TAS1R3: variants seen among roughly 807,000 people sequenced by gnomAD.
TAS1R3 encodes the protein taste receptor type 1 member 3.
TAS1R3 carries 58 observed loss-of-function variants against 46.1 expected under a neutral mutation model. The ratio of observed to expected loss-of-function variants is 1.26; its 90% confidence interval spans 1.02 to 1.57. The LOEUF (loss-of-function observed/expected upper bound fraction) is 1.57. TAS1R3 is among the 40% of genes most tolerant of loss of function. TAS1R3 has a pLI of 0.00. For synonymous variants in TAS1R3, 724 were observed against 544.7 expected (o/e 1.33, Z -4.58); for missense variants, 1,422 against 1,185.8 (o/e 1.20, Z -2.93).
At position 1,331,304 on chromosome 1, in the gene TAS1R3, C is replaced by A; in HGVS notation, c.-42C>A. ...GGCTCACTCCATGTGAGGCCCCAGT[C>A]GGGGCAGCCACCTGCCGTGCCTGTT... On this transcript the variant is annotated 5_prime_UTR_variant, in exon 1 of 6. Coordinates refer to ENST00000339381, the MANE Select transcript of TAS1R3 (RefSeq NM_152228.3). 3 of 1,523,412 alleles carry A rather than the reference C, an allele frequency of 2.0e-6. No homozygotes were observed. The highest frequency in any genetic ancestry group is 1.8e-6 in the Non-Finnish European group (2 of 1,137,378). The allele number at this position is 1,523,412 out of a possible 1,614,324, so 94.4% of individuals were successfully genotyped here. A position where few individuals can be genotyped will look rare whatever the true frequency, so the allele number is the denominator to read the frequency against.
Position 1,331,630 on chromosome 1 carries a change from G to T in TAS1R3, c.192-8G>T. ...GAGGTGGCCATCTGCGGTTCTGTGT[G>T]GCCCCAGGTTCTCCTCAAACGGCCT... On this transcript the variant is annotated splice_polypyrimidine_tract_variant and splice_region_variant and intron_variant, in intron 1 of 5. Coordinates refer to ENST00000339381, the MANE Select transcript of TAS1R3 (RefSeq NM_152228.3). 6.2e-7 allele frequency: 1 copy of T among 1,608,376 alleles called. No individual in the cohort carries two copies. Among genetic ancestry groups the T allele is most frequent in the Non-Finnish European group, 8.5e-7 (1 of 1,176,620 alleles).
In TAS1R3 at chr1:1,333,072, G is replaced by A; in HGVS notation, c.1427G>A (p.Gly476Asp). The A allele has an allele frequency of 6.2e-7, 1 of 1,612,656 alleles. No homozygotes were observed. The highest frequency in any genetic ancestry group is 8.5e-7 in the Non-Finnish European group (1 of 1,179,910). ...CTCCACGACGTGGGCAGGTTCAACGGCAGCCTCAGGACAGAGCGCCTGAAG... is the reference window on the plus strand; with the variant it reads ...CTCCACGACGTGGGCAGGTTCAACGACAGCCTCAGGACAGAGCGCCTGAAG... Reference protein sequence around the residue: ...PRLHDVGRFNGSLRTERLKIR... With the variant: ...PRLHDVGRFNDSLRTERLKIR... Residue 476 changes from glycine (G) to aspartate (D), a missense_variant, in exon 4 of 6, where the codon GGC becomes GAC. Transcript: ENST00000339381.
At position 1,333,352 on chromosome 1, in the gene TAS1R3, G is replaced by A. The variant is rs765980224; in HGVS notation, c.1573G>A (p.Glu525Lys). Residue 525 changes from glutamate to lysine, a missense_variant, in exon 5 of 6, where the codon GAG (glutamate) becomes AAG (lysine). Coordinates refer to ENST00000339381, the MANE Select transcript of TAS1R3 (RefSeq NM_152228.3). ...HSCCYDCVDC[E>K]AGSYRQNPDD... ...CTGCTGCTACGACTGTGTGGACTGC[G>A]AGGCGGGCAGCTACCGGCAAAACCC... is the stretch of plus-strand genomic sequence containing the variant. 27 of 1,610,472 alleles carry A rather than the reference G, an allele frequency of 1.7e-5. No individual in the cohort carries two copies. Among genetic ancestry groups the A allele is most frequent in the African/African-American group, 6.7e-5 (5 of 74,908 alleles).
rs1471800622 is a variant in TAS1R3, at chr1:1,332,471, G to A, written c.940G>A (p.Gly314Ser). 7.5e-6 allele frequency: 12 copies of A among 1,609,820 alleles called. No individual in the cohort carries two copies. Among genetic ancestry groups the A allele is most frequent in the African/African-American group, 5.3e-5 (4 of 74,910 alleles). The change falls in exon 3 of 6, where the codon GGC becomes AGC. Residue 314 changes from glycine to serine, a missense_variant. By Grantham distance (56) the Gly-to-Ser change is moderately conservative. Coordinates refer to ENST00000339381, the MANE Select transcript of TAS1R3 (RefSeq NM_152228.3). ...LTSDLVMGLP[G>S]MAQMGTVLGF... ...CTCTGACCTGGTCATGGGGCTGCCCGGCATGGCCCAGATGGGCACGGTGCT... is the reference window on the plus strand; with the variant it reads ...CTCTGACCTGGTCATGGGGCTGCCCAGCATGGCCCAGATGGGCACGGTGCT...
rs1643473953 is a variant in TAS1R3 at position 1,333,312 on chromosome 1, C to G, written c.1533C>G (p.Val511=). 16 of 1,602,188 alleles carry G rather than the reference C, an allele frequency of 1.0e-5. No individual in the cohort carries two copies. The highest frequency in any genetic ancestry group is 1.4e-5 in the Non-Finnish European group (16 of 1,175,340). Residue 511 remains valine, a synonymous_variant, in exon 5 of 6, where the codon GTC becomes GTG. Transcript: ENST00000339381. ...GCCAGGAGGGCCAGGTGCGCCGGGT[C>G]AAGGGGTTCCACTCCTGCTGCTACG... ...RQCQEGQVRR[V]KGFHSCCYDC... is the part of the protein sequence containing the mutation.
Position 1,331,359 on chromosome 1 carries a change from C to T in TAS1R3, c.14C>T (p.Ala5Val), listed in dbSNP as rs761740845. 6.3e-7 allele frequency: 1 copy of T among 1,588,088 alleles called. No individual in the cohort carries two copies. Among genetic ancestry groups the T allele is most frequent in the East Asian group, 2.3e-5 (1 of 44,378 alleles). ...GTTGCCTCTGCCATGCTGGGCCCTG[C>T]TGTCCTGGGCCTCAGCCTCTGGGCT... is the stretch of plus-strand genomic sequence containing the variant. Reference protein sequence around the residue: MLGPAVLGLSLWALL... With the variant: MLGPVVLGLSLWALL... The change falls in exon 1 of 6, where the codon GCT becomes GTT. Residue 5 changes from alanine (A) to valine (V), a missense_variant. Coordinates refer to ENST00000339381, the MANE Select transcript of TAS1R3 (RefSeq NM_152228.3).
rs148942342 is a variant in TAS1R3, at chr1:1,333,514, G to A, written c.1609G>A (p.Ala537Thr). 2.7e-4 allele frequency: 429 copies of A among 1,602,228 alleles called. 2 individuals carry two copies. The highest frequency in any genetic ancestry group is 1.9e-3 in the South Asian group (169 of 91,026). ...CTTCTCCTCTCTCACAGACGACATC[G>A]CCTGCACCTTTTGTGGCCAGGATGA... ...GSYRQNPDDIACTFCGQDEWS... is the reference protein window; with the variant it reads ...GSYRQNPDDITCTFCGQDEWS... The change falls in exon 6 of 6, where the codon GCC becomes ACC. Residue 537 changes from alanine to threonine, a missense_variant. Coordinates refer to ENST00000339381, the MANE Select transcript of TAS1R3 (RefSeq NM_152228.3).
chr1:1,332,710 C>T lies in TAS1R3; in HGVS notation c.1179C>T (p.Val393=), dbSNP rs751338487. The T allele has an allele frequency of 3.7e-6, 6 of 1,604,174 alleles. No individual in the cohort carries two copies. The Admixed American group carries it at 6.7e-5, about 18-fold the overall frequency. ...AGLNHHQTFS[V]YAAVYSVAQA... is the part of the protein sequence containing the mutation. ...TAAATCACCACCAGACGTTCTCTGT[C>T]TACGCAGCTGTGTATAGCGTGGCCC... Residue 393 remains valine, a synonymous_variant, in exon 3 of 6, where the codon GTC becomes GTT. Transcript: ENST00000339381.
In TAS1R3 at chr1:1,333,733, G is replaced by A. The variant is rs1459165808; in HGVS notation, c.1828G>A (p.Gly610Ser). The A allele has an allele frequency of 1.9e-6, 3 of 1,604,958 alleles. No individual in the cohort carries two copies. The highest frequency in any genetic ancestry group is 1.3e-5 in the African/African-American group (1 of 75,000). ...CTCGGGGGGGCCCCTGGCCTGCTTT[G>A]GCCTGGTGTGCCTGGGCCTGGTCTG... The part of the protein sequence containing the change: ...QASGGPLACF[G>S]LVCLGLVCLS... The change falls in exon 6 of 6, where the codon GGC (glycine) becomes AGC (serine). Residue 610 changes from glycine to serine, a missense_variant. Gly to Ser is a moderately conservative substitution (Grantham distance 56, BLOSUM62 0). Transcript: ENST00000339381.
rs754730148 is a variant in TAS1R3, at chr1:1,333,730, T to C, written c.1825T>C (p.Phe609Leu). ...VQASGGPLAC[F>L]GLVCLGLVCL... ...GGCCTCGGGGGGGCCCCTGGCCTGC[T>C]TTGGCCTGGTGTGCCTGGGCCTGGT... Residue 609 changes from phenylalanine to leucine, a missense_variant, in exon 6 of 6, where the codon TTT becomes CTT. Phe to Leu is a conservative substitution (Grantham distance 22). Coordinates refer to ENST00000339381, the MANE Select transcript of TAS1R3 (RefSeq NM_152228.3). The C allele has an allele frequency of 2.5e-6, 4 of 1,605,822 alleles. No individual in the cohort carries two copies. The South Asian group carries it at 4.4e-5, about 18-fold the overall frequency.
rs776847816 is a variant in TAS1R3 at position 1,331,730 on chromosome 1, T to C, written c.284T>C (p.Leu95Pro). The C allele has an allele frequency of 1.7e-5, 27 of 1,612,808 alleles. No homozygotes were observed. The African/African-American group carries it at 3.2e-4, about 19-fold the overall frequency. ...NKSDLLPGLR[L>P]GYDLFDTCSE... ...TCGGATCTGCTGCCCGGGCTGCGCC[T>C]GGGCTACGACCTCTTTGATACGTGC... Residue 95 changes from leucine to proline, a missense_variant, in exon 2 of 6, where the codon CTG becomes CCG. Coordinates refer to ENST00000339381, the MANE Select transcript of TAS1R3 (RefSeq NM_152228.3).
chr1:1,332,115 C>T lies in TAS1R3; in HGVS notation c.584C>T (p.Thr195Met), dbSNP rs201534184. The T allele has an allele frequency of 6.6e-4, 1,059 of 1,599,790 alleles. No individual in the cohort carries two copies. The highest frequency in any genetic ancestry group is 8.2e-4 in the Non-Finnish European group (972 of 1,179,766). The change falls in exon 3 of 6, where the codon ACG becomes ATG. Residue 195 changes from threonine to methionine, a missense_variant. Thr to Met is a moderately conservative substitution (Grantham distance 81). Transcript: ENST00000339381. ...RTVPSDRVQL[T>M]AAAELLQEFG... The stretch of plus-strand genomic sequence containing the variant: ...GTGCCCAGCGACCGTGTGCAGCTGA[C>T]GGCCGCCGCGGAGCTGCTGCAGGAG...
In TAS1R3 at chr1:1,333,097, G is replaced by C; in HGVS notation, c.1452G>C (p.Lys484Asn). The change falls in exon 4 of 6, where the codon AAG becomes AAC. Residue 484 changes from lysine to asparagine, a missense_variant. Transcript: ENST00000339381. ...FNGSLRTERL[K>N]IRWHTSDNQK... ...GCAGCCTCAGGACAGAGCGCCTGAA[G>C]ATCCGCTGGCACACGTCTGACAACC... The C allele has an allele frequency of 1.9e-6, 3 of 1,612,276 alleles. No individual in the cohort carries two copies. The highest frequency in any genetic ancestry group is 2.5e-6 in the Non-Finnish European group (3 of 1,179,718).
rs1247866829 is a variant in TAS1R3 at position 1,331,538 on chromosome 1, T to A, written c.191+2T>A. 6.3e-7 allele frequency: 1 copy of A among 1,598,422 alleles called. No individual in the cohort carries two copies. Among genetic ancestry groups the A allele is most frequent in the Non-Finnish European group, 8.5e-7 (1 of 1,172,950 alleles). ...GCCCAGCAGCCCTGTGTGCACCAGG[T>A]ACAGAGGTGGGACGGCCTGGGTCGG... On this transcript the variant is annotated splice_donor_variant, in intron 1 of 5. Coordinates refer to ENST00000339381, the MANE Select transcript of TAS1R3 (RefSeq NM_152228.3). LOFTEE classifies it high-confidence loss of function.
At position 1,331,734 on chromosome 1, in the gene TAS1R3, C is replaced by T; in HGVS notation, c.288C>T (p.Gly96=). Residue 96 remains glycine, a synonymous_variant, in exon 2 of 6, where the codon GGC becomes GGT. Transcript: ENST00000339381. The part of the protein sequence containing the change: ...KSDLLPGLRL[G]YDLFDTCSEP... Reference sequence around the variant, plus strand: ...ATCTGCTGCCCGGGCTGCGCCTGGGCTACGACCTCTTTGATACGTGCTCGG... The same window carrying T: ...ATCTGCTGCCCGGGCTGCGCCTGGGTTACGACCTCTTTGATACGTGCTCGG... 2 of 1,612,958 alleles carry T rather than the reference C, an allele frequency of 1.2e-6. No homozygotes were observed. The highest frequency in any genetic ancestry group is 1.7e-6 in the Non-Finnish European group (2 of 1,180,016).
rs757129734 is a variant in TAS1R3, at chr1:1,331,653, C to T, written c.207C>T (p.Gly69=). 1.9e-6 allele frequency: 3 copies of T among 1,610,972 alleles called. No individual in the cohort carries two copies. The highest frequency in any genetic ancestry group is 1.7e-5 in the Admixed American group (1 of 59,972). Residue 69 remains glycine, a synonymous_variant, in exon 2 of 6, where the codon GGC becomes GGT. Coordinates refer to ENST00000339381, the MANE Select transcript of TAS1R3 (RefSeq NM_152228.3). ...GTGGCCCCAGGTTCTCCTCAAACGGCCTGCTCTGGGCACTGGCCATGAAAA... is the reference window on the plus strand; with the variant it reads ...GTGGCCCCAGGTTCTCCTCAAACGGTCTGCTCTGGGCACTGGCCATGAAAA... ...SPVCTRFSSN[G]LLWALAMKMA... is the part of the protein sequence containing the mutation.
In TAS1R3 at chr1:1,333,103, C is replaced by G; in HGVS notation, c.1458C>G (p.Arg486=). The change falls in exon 4 of 6, where the codon CGC becomes CGG. Residue 486 remains arginine, a synonymous_variant. Coordinates refer to ENST00000339381, the MANE Select transcript of TAS1R3 (RefSeq NM_152228.3). ...GSLRTERLKI[R]WHTSDNQKPV... The stretch of plus-strand genomic sequence containing the variant: ...TCAGGACAGAGCGCCTGAAGATCCG[C>G]TGGCACACGTCTGACAACCAGGTGA... The G allele has an allele frequency of 6.2e-7, 1 of 1,612,070 alleles. No individual in the cohort carries two copies. The highest frequency in any genetic ancestry group is 2.2e-5 in the East Asian group (1 of 44,862).
chr1:1,332,789 C>G lies in TAS1R3; in HGVS notation c.1258C>G (p.Pro420Ala). ...CGCCTCAGGCTGCCCCGCGCAGGAC[C>G]CCGTGAAGCCCTGGCAGGTGAGCCC... is the stretch of plus-strand genomic sequence containing the variant. ...CNASGCPAQD[P>A]VKPWQLLENM... Residue 420 changes from proline (P) to alanine (A), a missense_variant, in exon 3 of 6, where the codon CCC (proline) becomes GCC (alanine). Coordinates refer to ENST00000339381, the MANE Select transcript of TAS1R3 (RefSeq NM_152228.3). 6.2e-7 allele frequency: 1 copy of G among 1,604,672 alleles called. No individual in the cohort carries two copies.
Position 1,331,957 on chromosome 1 carries a change from C to CCAA in TAS1R3, c.492+19_492+20insCAA. 9.0e-6 allele frequency: 10 copies of CCAA among 1,106,810 alleles called. No individual in the cohort carries two copies. In the African/African-American group the frequency reaches 9.9e-5, roughly 11 times the overall value. 68.6% of individuals were successfully genotyped at this position (1,106,810 alleles called of 1,614,324 possible). A position where few individuals can be genotyped will look rare whatever the true frequency, so the allele number is the denominator to read the frequency against. ...GCCCCAGGTGGGCGCCCCCCACCAT[C>CCAA]ACCCACCCCCACCCAGCCCTGCCCG... On this transcript the variant is annotated intron_variant, in intron 2 of 5. Transcript: ENST00000339381.
Sources: gnomAD v4.1 joint callset for allele counts on GRCh38, gnomAD v4.1.1 for gene constraint, MANE v1.5 for transcripts, NCBI Gene and HGNC (gene_info 2026-07-23, HGNC 2026-07-21) for gene names.